Variants in CNIH3 observed in about 807,000 individuals in gnomAD.
The protein encoded by CNIH3 is cornichon family AMPA receptor auxiliary protein 3.
In CNIH3, 14 loss-of-function variants were observed where a neutral mutation model predicts 24.1. That is an observed-to-expected ratio of 0.58 (90% confidence interval 0.38 to 0.91). The LOEUF is 0.91. Among genes scored for constraint, CNIH3 ranks in the 40% least tolerant of loss-of-function variants. The pLI is 0.00. For missense variants in CNIH3, 178 were observed against 196.8 expected (o/e 0.90, Z 0.57); for synonymous variants, 68 against 73.8 (o/e 0.92, Z 0.40).
intron 1 of CNIH3, among the ~76,000 whole-genome samples, chr1:224,637,752 A>AG (rs1187347785): frequency 6.6e-6 from 1 of 152,152 alleles, no homozygotes; most frequent in Non-Finnish European, 1.5e-5. Context: ...CCAGCCGCTC[A>AG]GCTGGGCGGA....
downstream of CNIH3, among the ~76,000 whole-genome samples, chr1:224,537,957 A>T (rs12145557): frequency 0.18 from 26,026 of 148,198 alleles, 2,400 homozygotes; most frequent in South Asian, 0.36. Flanking sequence ...TATTATTATT[A>T]TTTTTTTTTT....
At chr1:224,518,468 C>T (rs1572400551) in intron 1 of CNIH3, among the ~76,000 whole-genome samples, 1 of 151,966 alleles carries the variant, frequency 6.6e-6, no homozygotes, top group Admixed American at 6.6e-5. Context: ...GGACTACAGG[C>T]ATGCACCAAC....
chr1:224,700,312 C>G (rs1687415557), intron 3 of CNIH3, among the ~76,000 whole-genome samples: 1 of 152,182 alleles, frequency 6.6e-6, no homozygotes, highest in Non-Finnish European at 1.5e-5. Context: ...TCTTTGAAGA[C>G]TCTGTCTCCA....
chr1:224,672,504 C>T (rs1322034991), intron 1 of CNIH3, among the ~76,000 whole-genome samples: 1 of 152,148 alleles, frequency 6.6e-6, no homozygotes, highest in African/African-American at 2.4e-5. Context: ...GGCCATGTTC[C>T]CTCCAAATGC....
At chr1:224,472,733 A>G (rs993757257) in intron 1 of CNIH3, among the ~76,000 whole-genome samples, 4 of 152,186 alleles carry the variant, frequency 2.6e-5, no homozygotes, top group Non-Finnish European at 4.4e-5. Flanking sequence ...AATCACCACT[A>G]AAGAACTTAT....
chr1:224,684,706 C>T lies in CNIH3; in HGVS notation c.151-90C>T. ...AGGGGTCTCTGGTGGCTTCTGCCTC[C>T]ACTATTGGGGCTGATTGCGGGGCCT... On this transcript the variant is annotated intron_variant, in intron 2 of 5. Transcript: ENST00000272133. This position sits in a 1 kb window ranked among gnomAD's most constrained non-coding sequence, Gnocchi z 4.2. 4 of 1,185,480 alleles carry T rather than the reference C, an allele frequency of 3.4e-6. No homozygotes were observed. Among genetic ancestry groups the T allele is most frequent in the African/African-American group, 3.0e-5 (2 of 65,842 alleles). 73.4% of individuals were successfully genotyped at this position (1,185,480 alleles called of 1,614,324 possible). A position where few individuals can be genotyped will look rare whatever the true frequency, so the allele number is the denominator to read the frequency against.
intron 5 of CNIH3, among the ~76,000 whole-genome samples, chr1:224,737,241 A>G: frequency 6.6e-6 from 1 of 151,094 alleles, no homozygotes; most frequent in African/African-American, 2.4e-5. Flanking sequence ...TGGGGTAGGG[A>G]GGTCTTGGCA....
At chr1:224,608,130 G>C (rs915590998) in intron 3 of CNIH3, among the ~76,000 whole-genome samples, 2 of 152,120 alleles carry the variant, frequency 1.3e-5, no homozygotes, top group Non-Finnish European at 2.9e-5. Context: ...CAGAGCAGGA[G>C]AGAACGTTTA....
chr1:224,528,633 A>G (rs1286151860), intron 2 of CNIH3, among the ~76,000 whole-genome samples: 1 of 152,198 alleles, frequency 6.6e-6, no homozygotes, highest in Non-Finnish European at 1.5e-5. Flanking sequence ...CCTGGTGCTA[A>G]TAGTAGTTAA....
rs193141531 is a variant in CNIH3 at position 224,654,821 on chromosome 1, A to G, written c.82-26137A>G. On this transcript the variant is annotated intron_variant, in intron 1 of 5. Coordinates refer to ENST00000272133, the MANE Select transcript of CNIH3 (RefSeq NM_152495.2). Reference sequence around the variant, plus strand: ...GTAGTACCTGCTTTGAAACTTTTCTAGGCCAAACTAATTCCAATCCCTATG... The same window carrying G: ...GTAGTACCTGCTTTGAAACTTTTCTGGGCCAAACTAATTCCAATCCCTATG... 3.4e-4 allele frequency among the ~76,000 whole-genome samples: 52 copies of G among 152,326 alleles called. No homozygotes were observed. In the East Asian group the frequency reaches 7.5e-3, roughly 22 times the overall value.
intron 3 of CNIH3, among the ~76,000 whole-genome samples, chr1:224,725,563 A>G (rs1490761992): frequency 1.3e-5 from 2 of 152,186 alleles, no homozygotes; most frequent in East Asian, 1.9e-4. Context: ...TACTGTCTTC[A>G]AGATAAACTC....
At chr1:224,711,662 G>A (rs550047709) in intron 3 of CNIH3, among the ~76,000 whole-genome samples, 92 of 151,462 alleles carry the variant, frequency 6.1e-4, no homozygotes, top group African/African-American at 2.2e-3. Context: ...AGGTATGGTG[G>A]TACCCGCCTG....
intron 1 of CNIH3, among the ~76,000 whole-genome samples, chr1:224,497,820 A>T (rs1677497534): frequency 1.3e-5 from 2 of 152,168 alleles, no homozygotes; most frequent in African/African-American, 4.8e-5. Flanking sequence ...CAAAACTGAG[A>T]AGTAGTTGAC....
intron 2 of CNIH3, among the ~76,000 whole-genome samples, chr1:224,531,535 C>T (rs1179164351): frequency 1.3e-5 from 2 of 152,088 alleles, no homozygotes; most frequent in Non-Finnish European, 2.9e-5. Flanking sequence ...GTTGAAAGGC[C>T]AAGACAACTG....
intron 2 of CNIH3, among the ~76,000 whole-genome samples, chr1:224,535,437 A>G (rs960250683): frequency 1.3e-5 from 2 of 152,240 alleles, no homozygotes; most frequent in African/African-American, 4.8e-5. Flanking sequence ...ACCATCCAAC[A>G]TATAGTAGTT....
chr1:224,602,813 G>A (rs1682260051), intron 3 of CNIH3, among the ~76,000 whole-genome samples: 1 of 152,212 alleles, frequency 6.6e-6, no homozygotes, highest in South Asian at 2.1e-4. Flanking sequence ...GCAACTTCGG[G>A]AAAGGCAAAT....
intron 2 of CNIH3, among the ~76,000 whole-genome samples, chr1:224,522,613 A>G (rs1315232662): frequency 6.6e-6 from 1 of 152,212 alleles, no homozygotes; most frequent in Non-Finnish European, 1.5e-5. Context: ...AGAGGAAGAG[A>G]TTGACAGGGC....
chr1:224,653,322 T>C (rs1684948723), intron 1 of CNIH3, among the ~76,000 whole-genome samples: 4 of 151,094 alleles, frequency 2.6e-5, no homozygotes, highest in Admixed American at 2.0e-4. Flanking sequence ...CTTGGGAGGC[T>C]GAGGTAGGAG....
upstream of CNIH3, among the ~76,000 whole-genome samples, chr1:224,611,871 C>T (rs1682716909): frequency 6.6e-6 from 1 of 152,202 alleles, no homozygotes; most frequent in African/African-American, 2.4e-5. Context: ...CCTTGTGGAT[C>T]CCTGACAGCG....
Sources: allele counts gnomAD v4.1 joint callset (sites outside exome capture counted in the v4.1 genomes callset), GRCh38; gene constraint gnomAD v4.1.1; non-coding constraint Gnocchi (gnomAD v3.1); transcripts MANE v1.5; gene names NCBI Gene and HGNC (gene_info 2026-07-23, HGNC 2026-07-21).